The following PDE7B variants were observed in gnomAD, a reference collection of about 807,000 sequenced individuals.
PDE7B encodes the protein 3',5'-cyclic-AMP phosphodiesterase 7B.
PDE7B carries 29 observed loss-of-function variants against 56.2 expected under a neutral mutation model. The observed-to-expected ratio is 0.52, with a 90% CI of 0.38 to 0.70. The LOEUF is 0.70. PDE7B is among the 30% of genes least tolerant of loss of function. PDE7B has a pLI of 0.00. For missense variants in PDE7B, 490 were observed against 565.0 expected, an observed-to-expected ratio of 0.87 and a Z score of 1.35; for synonymous variants, 197 against 196.9, an observed-to-expected ratio of 1.00 and a Z score of 0.00.
At chr6:136,111,584 A>G (rs1777749171) in intron 3 of PDE7B, among the ~76,000 whole-genome samples, 1 of 152,194 alleles carries the variant, frequency 6.6e-6, no homozygotes, top group Non-Finnish European at 1.5e-5. Context: ...TGTGTTATGC[A>G]CAGTCACATA....
intron 1 of PDE7B, among the ~76,000 whole-genome samples, chr6:135,932,734 G>A (rs1054939819): frequency 3.9e-5 from 6 of 152,188 alleles, no homozygotes; most frequent in Admixed American, 2.6e-4. Flanking sequence ...GGACTGGGAA[G>A]TGCCATGCAG....
intron 12 of PDE7B, among the ~76,000 whole-genome samples, chr6:136,191,292 T>C (rs1367740829): frequency 6.6e-6 from 1 of 152,222 alleles, no homozygotes; most frequent in Non-Finnish European, 1.5e-5. Flanking sequence ...CTTGCCCTTC[T>C]GGCCCCAGAG....
At chr6:135,853,172 A>C (rs1254146295) in intron 1 of PDE7B, among the ~76,000 whole-genome samples, 1 of 152,222 alleles carries the variant, frequency 6.6e-6, no homozygotes, top group Non-Finnish European at 1.5e-5. Context: ...CAAAATTTCT[A>C]ACCGATTTTC....
intron 2 of PDE7B, among the ~76,000 whole-genome samples, chr6:136,008,596 AT>A (rs1775830800): frequency 6.6e-6 from 1 of 152,128 alleles, no homozygotes; most frequent in South Asian, 2.1e-4. Context: ...GAGGATGAGC[AT>A]TTTTTCATGT....
At chr6:135,926,118 A>C (rs368501262) in intron 1 of PDE7B, among the ~76,000 whole-genome samples, 12 of 84,706 alleles carry the variant, frequency 1.4e-4, no homozygotes, top group East Asian at 3.3e-4. Context: ...ATGGAGTTTC[A>C]CTCTGTCGCC....
chr6:136,139,414 GTGCCT>G (rs1393240997), intron 3 of PDE7B, among the ~76,000 whole-genome samples: 1 of 152,150 alleles, frequency 6.6e-6, no homozygotes, highest in Non-Finnish European at 1.5e-5. Flanking sequence ...ATTGTGAATA[GTGCCT>G]CAGTAAACAT....
At chr6:135,879,974 C>T (rs937997050) in intron 1 of PDE7B, among the ~76,000 whole-genome samples, 1 of 152,124 alleles carries the variant, frequency 6.6e-6, no homozygotes, top group Non-Finnish European at 1.5e-5. Flanking sequence ...TAAATATCTA[C>T]CCCCAAATTA....
At chr6:136,153,153 T>C (rs1266047644) in intron 6 of PDE7B, among the ~76,000 whole-genome samples, 7 of 152,212 alleles carry the variant, frequency 4.6e-5, no homozygotes, top group African/African-American at 1.7e-4. Flanking sequence ...GAAATGGCCA[T>C]GCATAGGGCC....
At chr6:135,877,442 T>C (rs1775519698) in intron 1 of PDE7B, among the ~76,000 whole-genome samples, 2 of 151,854 alleles carry the variant, frequency 1.3e-5, no homozygotes, top group South Asian at 2.1e-4. Flanking sequence ...TTTATGTGGG[T>C]TGCTATTTGT....
In PDE7B at chr6:135,926,378, T is replaced by TGC. The variant is rs1562442199; in HGVS notation, c.22-21085_22-21084dup. 1.6e-4 allele frequency among the ~76,000 whole-genome samples: 24 copies of TGC among 152,116 alleles called. No individual in the cohort carries two copies. In the East Asian group the frequency reaches 3.9e-3, roughly 25 times the overall value. ...CTGGGATTACAGGCGTGAGCCACCA[T>TGC]GCCCGGCAAACCTCTGTATTTTTTA... On this transcript the variant is annotated intron_variant, in intron 1 of 12. Transcript: ENST00000308191.
At chr6:135,912,875 C>G (rs1294141827) in intron 1 of PDE7B, among the ~76,000 whole-genome samples, 1 of 152,064 alleles carries the variant, frequency 6.6e-6, no homozygotes, top group Non-Finnish European at 1.5e-5. Context: ...GGAGCTTGCC[C>G]AAGATCACAC....
At chr6:136,171,577 G>A (rs1778881976) in intron 8 of PDE7B, among the ~76,000 whole-genome samples, 1 of 152,012 alleles carries the variant, frequency 6.6e-6, no homozygotes. Flanking sequence ...GTATAATCTT[G>A]GATTATGTTA....
chr6:136,052,418 G>C (rs1490442173), intron 2 of PDE7B, among the ~76,000 whole-genome samples: 7 of 152,238 alleles, frequency 4.6e-5, no homozygotes, highest in African/African-American at 1.7e-4. Context: ...CTCCTGAAGA[G>C]TTGAAGTAAA....
At position 135,926,216 on chromosome 6, in the gene PDE7B, A is replaced by G. The variant is rs547574625; in HGVS notation, c.22-21248A>G. On this transcript the variant is annotated intron_variant, in intron 1 of 12. Coordinates refer to ENST00000308191, the MANE Select transcript of PDE7B (RefSeq NM_018945.4). ...ATTCTCCTGCCTCAGCCTCCCGAGC[A>G]GCTGGGACTACAGGCACCCGCCACC... Among the ~76,000 whole-genome samples the G allele has an allele frequency of 1.2e-3, 189 of 151,490 alleles. 1 individual carries two copies. Among genetic ancestry groups the G allele is most frequent in the South Asian group, 5.2e-3 (25 of 4,778 alleles).
intron 8 of PDE7B, among the ~76,000 whole-genome samples, chr6:136,168,412 A>C (rs1778829810): frequency 6.6e-6 from 1 of 152,152 alleles, no homozygotes; most frequent in African/African-American, 2.4e-5. Context: ...AGAGGCCAGC[A>C]AGCTCCTTGA....
intron 3 of PDE7B, among the ~76,000 whole-genome samples, chr6:136,115,190 C>A (rs1777810942): frequency 6.6e-6 from 1 of 151,986 alleles, no homozygotes; most frequent in South Asian, 2.1e-4. Flanking sequence ...TGTGATACAC[C>A]AAATAATACA....
At chr6:136,013,305 G>T (rs1463746903) in intron 2 of PDE7B, among the ~76,000 whole-genome samples, 1 of 152,140 alleles carries the variant, frequency 6.6e-6, no homozygotes, top group African/African-American at 2.4e-5. Flanking sequence ...CTTTTCACCA[G>T]TTCTTTTGTG....
At chr6:135,880,099 C>T (rs904077288) in intron 1 of PDE7B, among the ~76,000 whole-genome samples, 3 of 152,132 alleles carry the variant, frequency 2.0e-5, no homozygotes, top group Non-Finnish European at 2.9e-5. Context: ...TCATACGCAT[C>T]GTAAAACATC....
chr6:136,056,062 G>A (rs895605991), intron 2 of PDE7B, among the ~76,000 whole-genome samples: 1 of 152,196 alleles, frequency 6.6e-6, no homozygotes, highest in Non-Finnish European at 1.5e-5. Context: ...AATGCCAGAG[G>A]TGGCACAGAG....
Sources: gnomAD v4.1 joint callset for allele counts (sites outside exome capture counted in the v4.1 genomes callset) on GRCh38, gnomAD v4.1.1 for gene constraint, MANE v1.5 for transcripts, NCBI Gene and HGNC (gene_info 2026-07-23, HGNC 2026-07-21) for gene names.